MARK2: variants seen among roughly 807,000 people sequenced by gnomAD.
MARK2 encodes serine/threonine-protein kinase MARK2.
Under a neutral mutation model 89.8 loss-of-function variants are expected in MARK2, and 16 were observed. That is an observed-to-expected ratio of 0.18 (90% CI 0.12 to 0.27). The LOEUF (loss-of-function observed/expected upper bound fraction) is 0.27. Among genes scored for constraint, MARK2 ranks in the 10% least tolerant of loss-of-function variants. The pLI, the probability that MARK2 is intolerant of heterozygous loss-of-function variation, is 1.00. For missense variants in MARK2, 621 were observed against 1,049.9 expected (o/e 0.59, Z 5.65); for synonymous variants, 382 against 399.5 (o/e 0.96, Z 0.52).
chr11:63,856,592 T>G (rs1477437650), intron 1 of MARK2, among the ~76,000 whole-genome samples: 4 of 150,932 alleles, frequency 2.7e-5, no homozygotes, highest in Non-Finnish European at 5.9e-5. Flanking sequence ...CCCGGCTAAT[T>G]TTTGTATATT....
intron 1 of MARK2, chr11:63,849,885 T>C (rs2016478262): frequency 6.6e-6 from 1 of 150,414 alleles, no homozygotes; most frequent in East Asian, 1.9e-4. Context: ...AGTACCCATC[T>C]TATAGGTATA....
chr11:63,839,492 C>A lies in MARK2; in HGVS notation c.-15C>A. The A allele has an allele frequency of 3.3e-6, 5 of 1,517,610 alleles. No homozygotes were observed. The highest frequency in any genetic ancestry group is 4.4e-6 in the Non-Finnish European group (5 of 1,123,708). The allele number at this position is 1,517,610 out of a possible 1,614,324, so 94.0% of individuals were successfully genotyped here. ...CTCCAAGCTTCTCGGTTCCCTCCCC[C>A]GAGATACCGGCGCCATGTCCAGCGC... On this transcript the variant is annotated 5_prime_UTR_variant, in exon 1 of 19. Coordinates refer to ENST00000402010, the MANE Select transcript of MARK2 (RefSeq NM_001039469.3).
chr11:63,862,899 T>A (rs1434411884), intron 1 of MARK2, among the ~76,000 whole-genome samples: 2 of 152,184 alleles, frequency 1.3e-5, no homozygotes, highest in Non-Finnish European at 2.9e-5. Flanking sequence ...AAGAAGCTTT[T>A]GTCTGTGGAT....
chr11:63,893,683 C>T (rs375058657), intron 1 of MARK2, among the ~76,000 whole-genome samples: 1 of 152,044 alleles, frequency 6.6e-6, no homozygotes, highest in Non-Finnish European at 1.5e-5. Flanking sequence ...GTTGAACATC[C>T]GTAATCCAAA....
chr11:63,883,869 A>G lies in MARK2; in HGVS notation c.55-11290A>G, dbSNP rs112453992. On this transcript the variant is annotated intron_variant, in intron 1 of 18. Coordinates refer to ENST00000402010, the MANE Select transcript of MARK2 (RefSeq NM_001039469.3). ...CCCAAAGTGCTGGAATCAGAGGTGT[A>G]AGCCACCACGCCCGGCCAGATTTTC... Among the ~76,000 whole-genome samples the G allele has an allele frequency of 3.2e-3, 487 of 152,282 alleles. 4 individuals are homozygous for G. The highest frequency in any genetic ancestry group is 0.011 in the African/African-American group (478 of 41,568).
rs59229334 is a variant in MARK2, at chr11:63,863,540, C to T, written c.54+23980C>T. On this transcript the variant is annotated intron_variant, in intron 1 of 18. Transcript: ENST00000402010. Reference sequence around the variant, plus strand: ...AGTGCAGTGGCGCAATCTCAGCTCACTGCAACCTCTGCCTCCTGGGTTCAA... The same window carrying T: ...AGTGCAGTGGCGCAATCTCAGCTCATTGCAACCTCTGCCTCCTGGGTTCAA... Among the ~76,000 whole-genome samples the T allele has an allele frequency of 1.3e-3, 185 of 147,340 alleles. 1 individual carries two copies. The highest frequency in any genetic ancestry group is 4.5e-3 in the African/African-American group (181 of 39,814).
intron 16 of MARK2, among the ~76,000 whole-genome samples, chr11:63,905,680 A>G (rs904450412): frequency 6.6e-6 from 1 of 152,230 alleles, no homozygotes; most frequent in Non-Finnish European, 1.5e-5. Flanking sequence ...GCCCCCAGCC[A>G]CCACAGAGGT....
chr11:63,868,111 G>T (rs891722647), intron 1 of MARK2, among the ~76,000 whole-genome samples: 1 of 152,134 alleles, frequency 6.6e-6, no homozygotes, highest in Non-Finnish European at 1.5e-5. Context: ...GTAACATGAG[G>T]CTGGGTGTGG....
At position 63,902,049 on chromosome 11, in the gene MARK2, G is replaced by T. The variant is rs1037711249; in HGVS notation, c.1102-149G>T. The T allele has an allele frequency of 1.4e-6, 1 of 734,824 alleles. No homozygotes were observed. The highest frequency in any genetic ancestry group is 2.2e-6 in the Non-Finnish European group (1 of 450,602). The allele number at this position is 734,824 out of a possible 1,614,324, so 45.5% of individuals were successfully genotyped here. A position where few individuals can be genotyped will look rare whatever the true frequency, so the allele number is the denominator to read the frequency against. Reference sequence around the variant, plus strand: ...TGTGTGTCTCCAGGGTCTCCTCCAGGGGGGATGTATTGGTCTTACAAGTGG... The same window carrying T: ...TGTGTGTCTCCAGGGTCTCCTCCAGTGGGGATGTATTGGTCTTACAAGTGG... On this transcript the variant is annotated intron_variant, in intron 11 of 18. Transcript: ENST00000402010. The surrounding 1 kb of genome is among the most constrained non-coding windows in gnomAD (Gnocchi z 4.2).
At chr11:63,854,684 A>T (rs1479829767) in intron 1 of MARK2, among the ~76,000 whole-genome samples, 1 of 151,772 alleles carries the variant, frequency 6.6e-6, no homozygotes, top group Non-Finnish European at 1.5e-5. Flanking sequence ...AAAATACAAA[A>T]ATTAGCTGGG....
chr11:63,901,647 G>A (rs1940895602), intron 11 of MARK2, among the ~76,000 whole-genome samples: 2 of 147,550 alleles, frequency 1.4e-5, no homozygotes, highest in Admixed American at 1.4e-4. Flanking sequence ...CCCGGCTATT[G>A]AGTCTGTTGC....
intron 1 of MARK2, among the ~76,000 whole-genome samples, chr11:63,874,045 G>A (rs917327167): frequency 3.3e-5 from 5 of 152,230 alleles, no homozygotes; most frequent in African/African-American, 1.2e-4. Context: ...TTGTGCCATA[G>A]CCTTATAGCT....
chr11:63,910,918 C>T lies in MARK2; in HGVS notation c.*1681C>T, dbSNP rs551808288. On this transcript the variant is annotated 3_prime_UTR_variant, in exon 19 of 19. Transcript: ENST00000402010. ...CAAAGGGGGTAGGGGCCCGGGGCACCCAGGCAAGGTGGCCCCTCCCCGTCT... is the reference window on the plus strand; with the variant it reads ...CAAAGGGGGTAGGGGCCCGGGGCACTCAGGCAAGGTGGCCCCTCCCCGTCT... 4 of 152,410 alleles carry T rather than the reference C, an allele frequency of 2.6e-5. No individual in the cohort carries two copies. Among genetic ancestry groups the T allele is most frequent in the African/African-American group, 9.6e-5 (4 of 41,572 alleles). 9.4% of individuals were successfully genotyped at this position (152,410 alleles called of 1,614,324 possible).
chr11:63,869,925 CAG>C (rs1938353798), intron 1 of MARK2, among the ~76,000 whole-genome samples: 1 of 152,336 alleles, frequency 6.6e-6, no homozygotes, highest in South Asian at 2.1e-4. Flanking sequence ...GGAAGACACT[CAG>C]GGCTCGTCTC....
intron 1 of MARK2, among the ~76,000 whole-genome samples, chr11:63,873,743 T>G (rs1169163024): frequency 6.6e-6 from 1 of 152,144 alleles, no homozygotes; most frequent in East Asian, 1.9e-4. Context: ...CACCCCAGAT[T>G]AAAGCGATTC....
At chr11:63,841,642 G>A (rs892748932) in intron 1 of MARK2, among the ~76,000 whole-genome samples, 2 of 152,176 alleles carry the variant, frequency 1.3e-5, no homozygotes, top group South Asian at 2.1e-4. Context: ...ACTGTTGATC[G>A]TGAGCTGGTA....
At chr11:63,847,704 C>CA (rs2016352893) in intron 1 of MARK2, among the ~76,000 whole-genome samples, 1 of 152,230 alleles carries the variant, frequency 6.6e-6, no homozygotes, top group African/African-American at 2.4e-5. Context: ...GCTTTCTCTC[C>CA]ACCCTATGCT....
chr11:63,846,012 C>T (rs1328717663), intron 1 of MARK2, among the ~76,000 whole-genome samples: 6 of 151,780 alleles, frequency 4.0e-5, no homozygotes, highest in Admixed American at 1.3e-4. Flanking sequence ...AGTGAGCCAC[C>T]GCGCCCGGCA....
intron 1 of MARK2, among the ~76,000 whole-genome samples, chr11:63,840,187 C>G (rs966241083): frequency 6.6e-6 from 1 of 152,258 alleles, no homozygotes; most frequent in East Asian, 1.9e-4. Context: ...TTCGCCTACT[C>G]TTTGCTCATC....
Sources: allele counts gnomAD v4.1 joint callset (sites outside exome capture counted in the v4.1 genomes callset), GRCh38; gene constraint gnomAD v4.1.1; non-coding constraint Gnocchi (gnomAD v3.1); transcripts MANE v1.5; gene names NCBI Gene and HGNC (gene_info 2026-07-23, HGNC 2026-07-21).